AGAP1: variants seen among roughly 807,000 people sequenced by gnomAD.
AGAP1 encodes ArfGAP with GTPase domain, ankyrin repeat and PH domain 1.
AGAP1 carries 29 observed loss-of-function variants against 105.3 expected under a neutral mutation model. That is an observed-to-expected ratio of 0.28 (90% CI 0.21 to 0.38). AGAP1 has a LOEUF of 0.38. Ranked by LOEUF, AGAP1 falls within the 10% of genes least tolerant of loss-of-function variation. The probability of loss-of-function intolerance (pLI) is 1.00; values close to 1 mark genes in which losing one functional copy is unlikely to be tolerated. For missense variants in AGAP1, 998 were observed against 1,165.1 expected, an observed-to-expected ratio of 0.86 and a Z score of 2.09; for synonymous variants, 509 against 485.9, an observed-to-expected ratio of 1.05 and a Z score of -0.63.
rs1225752487 is a variant in AGAP1 at position 236,046,586 on chromosome 2, A to C, written c.1892-2473A>C. Among the ~76,000 whole-genome samples the C allele has an allele frequency of 6.6e-6, 1 of 152,146 alleles. No individual in the cohort carries two copies. The highest frequency in any genetic ancestry group is 2.4e-5 in the African/African-American group (1 of 41,428). On this transcript the variant is annotated intron_variant, in intron 15 of 17. Coordinates refer to ENST00000304032, the MANE Select transcript of AGAP1 (RefSeq NM_001037131.3). The surrounding 1 kb of genome is among the most constrained non-coding windows in gnomAD (Gnocchi z 5.2). ...GAATGCATTTGCAGAGTGGATGTTG[A>C]CTAGGAGATTCTCCCAACTGAAATG...
chr2:235,677,790 C>G (rs919535434), intron 1 of AGAP1, among the ~76,000 whole-genome samples: 1 of 151,716 alleles, frequency 6.6e-6, no homozygotes. Flanking sequence ...GATGCGGCTC[C>G]TGCCCTCTCT....
At chr2:235,718,117 C>T (rs1225299343) in intron 3 of AGAP1, among the ~76,000 whole-genome samples, 1 of 152,072 alleles carries the variant, frequency 6.6e-6, no homozygotes, top group Non-Finnish European at 1.5e-5. Flanking sequence ...ATTTAATAAT[C>T]ATTTTGCATG....
chr2:235,566,590 A>C lies in AGAP1; in HGVS notation c.163+71741A>C, dbSNP rs1259004325. On this transcript the variant is annotated intron_variant, in intron 1 of 17. Transcript: ENST00000304032. The surrounding 1 kb of genome is among the most constrained non-coding windows in gnomAD (Gnocchi z 5.2). ...AGAGGACTAGATGACCAGTGCTGTG[A>C]GTGGGCAGGTCTGTCTCCTGCCTCT... 1 of 985,336 alleles carries C rather than the reference A, an allele frequency of 1.0e-6. No individual in the cohort carries two copies. Among genetic ancestry groups the C allele is most frequent in the African/African-American group, 1.7e-5 (1 of 57,350 alleles). 61.0% of individuals were successfully genotyped at this position (985,336 alleles called of 1,614,324 possible).
chr2:236,040,625 T>C lies in AGAP1; in HGVS notation c.1801-126T>C. The C allele has an allele frequency of 1.8e-6, 1 of 560,208 alleles. No individual in the cohort carries two copies. The highest frequency in any genetic ancestry group is 2.9e-6 in the Non-Finnish European group (1 of 345,830). The allele number at this position is 560,208 out of a possible 1,614,324, so 34.7% of individuals were successfully genotyped here. On this transcript the variant is annotated intron_variant, in intron 14 of 17. Coordinates refer to ENST00000304032, the MANE Select transcript of AGAP1 (RefSeq NM_001037131.3). The surrounding 1 kb of genome is among the most constrained non-coding windows in gnomAD (Gnocchi z 5.6). ...CCCAAAGACATCAAAACAAGAGTGA[T>C]TGTTTAGAAATTACCCTCGTCCTAC...
rs1306467428 is a variant in AGAP1 at position 236,121,533 on chromosome 2, T to C, written c.2370+1086T>C. 1.3e-5 allele frequency among the ~76,000 whole-genome samples: 2 copies of C among 151,868 alleles called. No individual in the cohort carries two copies. Among genetic ancestry groups the C allele is most frequent in the Non-Finnish European group, 2.9e-5 (2 of 67,954 alleles). The stretch of plus-strand genomic sequence containing the variant: ...TCAGTCTGGTCTCGAGCTCCTGACC[T>C]CGTGATCCACCCGCCTCGGCCTCCC... On this transcript the variant is annotated intron_variant, in intron 17 of 17. Coordinates refer to ENST00000304032, the MANE Select transcript of AGAP1 (RefSeq NM_001037131.3). This position sits in a 1 kb window ranked among gnomAD's most constrained non-coding sequence, Gnocchi z 4.9.
chr2:236,020,596 T>G lies in AGAP1; in HGVS notation c.1646-15965T>G, dbSNP rs965475591. Among the ~76,000 whole-genome samples, 3 of 152,194 alleles carry G rather than the reference T, an allele frequency of 2.0e-5. No homozygotes were observed. The highest frequency in any genetic ancestry group is 7.2e-5 in the African/African-American group (3 of 41,456). On this transcript the variant is annotated intron_variant, in intron 13 of 17. Transcript: ENST00000304032. The surrounding 1 kb of genome is among the most constrained non-coding windows in gnomAD (Gnocchi z 5.0). Reference sequence around the variant, plus strand: ...TCTGTCCTTCCTCTCTGTTCTTTTCTTCCTCGCATGCAGACAATAAAACCT... The same window carrying G: ...TCTGTCCTTCCTCTCTGTTCTTTTCGTCCTCGCATGCAGACAATAAAACCT...
At chr2:235,933,855 T>C (rs1206856086) in intron 12 of AGAP1, among the ~76,000 whole-genome samples, 1 of 152,174 alleles carries the variant, frequency 6.6e-6, no homozygotes, top group Non-Finnish European at 1.5e-5. Context: ...TAGTATGTCA[T>C]ACCGGAAATA....
intron 1 of AGAP1, among the ~76,000 whole-genome samples, chr2:235,567,772 G>C (rs1944394009): frequency 6.6e-6 from 1 of 151,948 alleles, no homozygotes; most frequent in South Asian, 2.1e-4. Flanking sequence ...TGTCCACTGT[G>C]GGGGGCGGCT....
intron 1 of AGAP1, among the ~76,000 whole-genome samples, chr2:235,668,636 A>C: frequency 6.6e-6 from 1 of 152,238 alleles, no homozygotes; most frequent in South Asian, 2.1e-4. Flanking sequence ...GGAACTGATA[A>C]GTTGATCATC....
rs1184829506 is a variant in AGAP1 at position 235,494,048 on chromosome 2, C to T, written c.-639C>T. 1.4e-5 allele frequency: 2 copies of T among 146,524 alleles called. No homozygotes were observed. The highest frequency in any genetic ancestry group is 2.0e-4 in the East Asian group (1 of 4,956). The allele number at this position is 146,524 out of a possible 1,614,324, so 9.1% of individuals were successfully genotyped here. A position where few individuals can be genotyped will look rare whatever the true frequency, so the allele number is the denominator to read the frequency against. On this transcript the variant is annotated 5_prime_UTR_variant, in exon 1 of 18. Coordinates refer to ENST00000304032, the MANE Select transcript of AGAP1 (RefSeq NM_001037131.3). ...GGGCGGGGCCGACGTGGGCCGGAGC[C>T]CTGCGTGCCAGGGAGGGGGCCGGCC...
chr2:235,803,950 T>C (rs975617982), intron 8 of AGAP1, among the ~76,000 whole-genome samples: 4 of 152,246 alleles, frequency 2.6e-5, no homozygotes, highest in South Asian at 2.1e-4. Flanking sequence ...TAATTTAGTT[T>C]AGCGGCCCTA....
chr2:235,548,797 A>G (rs941366940), intron 1 of AGAP1, among the ~76,000 whole-genome samples: 2 of 152,190 alleles, frequency 1.3e-5, no homozygotes, highest in Admixed American at 1.3e-4. Context: ...TGCACCTTTC[A>G]TTACAAAAGT....
chr2:235,676,085 G>A (rs1948720178), intron 1 of AGAP1, among the ~76,000 whole-genome samples: 1 of 152,184 alleles, frequency 6.6e-6, no homozygotes, highest in Non-Finnish European at 1.5e-5. Flanking sequence ...GGTGTGTTCT[G>A]CATTCACTAG....
Position 235,793,897 on chromosome 2 carries a change from GT to G in AGAP1, c.674-3859del, listed in dbSNP as rs1296802365. ...CCCTCTATAGAATAGAACATTTACA[GT>G]TTGTGGATAAAGTAAATGTATACCT... On this transcript the variant is annotated intron_variant, in intron 6 of 17. Coordinates refer to ENST00000304032, the MANE Select transcript of AGAP1 (RefSeq NM_001037131.3). The surrounding 1 kb of genome is among the most constrained non-coding windows in gnomAD (Gnocchi z 5.3). Among the ~76,000 whole-genome samples the G allele has an allele frequency of 4.6e-5, 7 of 152,168 alleles. No homozygotes were observed. Among genetic ancestry groups the G allele is most frequent in the Non-Finnish European group, 7.3e-5 (5 of 68,028 alleles).
chr2:235,738,682 C>G (rs558938075), intron 3 of AGAP1, among the ~76,000 whole-genome samples: 1 of 151,770 alleles, frequency 6.6e-6, no homozygotes, highest in Non-Finnish European at 1.5e-5. Flanking sequence ...CTCAGCCTCC[C>G]GAGTAGCTGG....
rs982025542 is a variant in AGAP1 at position 235,556,023 on chromosome 2, C to T, written c.163+61174C>T. 2.0e-5 allele frequency among the ~76,000 whole-genome samples: 3 copies of T among 152,166 alleles called. No individual in the cohort carries two copies. Among genetic ancestry groups the T allele is most frequent in the South Asian group, 4.1e-4 (2 of 4,826 alleles). On this transcript the variant is annotated intron_variant, in intron 1 of 17. Coordinates refer to ENST00000304032, the MANE Select transcript of AGAP1 (RefSeq NM_001037131.3). This position sits in a 1 kb window ranked among gnomAD's most constrained non-coding sequence, Gnocchi z 5.3. ...TCCTTGTGTTTCTGCCTGTGGGGCA[C>T]GTGGGACATGTGAGGGAGAAACAGC...
intron 1 of AGAP1, among the ~76,000 whole-genome samples, chr2:235,558,304 C>G (rs753102129): frequency 1.3e-5 from 2 of 152,168 alleles, no homozygotes; most frequent in Non-Finnish European, 2.9e-5. Flanking sequence ...CTCATCACCT[C>G]TGTTGTCTGT....
Position 235,517,696 on chromosome 2 carries a change from G to A in AGAP1, c.163+22847G>A, listed in dbSNP as rs956155149. The stretch of plus-strand genomic sequence containing the variant: ...TCACACCTGTAATCCCAGCACTCTG[G>A]GAGGCCGAGGCAGACAGATCACTTG... On this transcript the variant is annotated intron_variant, in intron 1 of 17. Transcript: ENST00000304032. The surrounding 1 kb of genome is among the most constrained non-coding windows in gnomAD (Gnocchi z 4.1). 1.3e-5 allele frequency among the ~76,000 whole-genome samples: 2 copies of A among 152,146 alleles called. No homozygotes were observed. Among genetic ancestry groups the A allele is most frequent in the African/African-American group, 4.8e-5 (2 of 41,432 alleles).
rs1296340846 is a variant in AGAP1 at position 235,700,832 on chromosome 2, G to A, written c.164-8347G>A. On this transcript the variant is annotated intron_variant, in intron 1 of 17. Transcript: ENST00000304032. The surrounding 1 kb of genome is among the most constrained non-coding windows in gnomAD (Gnocchi z 6.1). ...CTCTCTCTCTCTCTGTGTATATATAGTATATATTATATATGTATATATTGT... is the reference window on the plus strand; with the variant it reads ...CTCTCTCTCTCTCTGTGTATATATAATATATATTATATATGTATATATTGT... Among the ~76,000 whole-genome samples the A allele has an allele frequency of 6.8e-6, 1 of 147,700 alleles. No homozygotes were observed. The highest frequency in any genetic ancestry group is 2.0e-4 in the East Asian group (1 of 5,128).
Sources: gnomAD v4.1 joint callset for allele counts (sites outside exome capture counted in the v4.1 genomes callset) on GRCh38, gnomAD v4.1.1 for gene constraint, Gnocchi (gnomAD v3.1) non-coding constraint, MANE v1.5 for transcripts, NCBI Gene and HGNC (gene_info 2026-07-23, HGNC 2026-07-21) for gene names.